DNAH9: variants seen among roughly 807,000 people sequenced by gnomAD.
The protein encoded by DNAH9 is dynein axonemal heavy chain 9.
DNAH9 carries 345 observed loss-of-function variants against 471.6 expected under a neutral mutation model. That is an observed-to-expected ratio of 0.73 (90% CI 0.67 to 0.80). The LOEUF (loss-of-function observed/expected upper bound fraction) is 0.80. Ranked by LOEUF, DNAH9 falls within the 30% of genes least tolerant of loss-of-function variation. The pLI, the probability that DNAH9 is intolerant of heterozygous loss-of-function variation, is 0.00. For missense variants in DNAH9, 5,407 were observed against 5,609.2 expected (o/e 0.96, Z 1.15); for synonymous variants, 2,093 against 2,123.6 (o/e 0.99, Z 0.40).
intron 49 of DNAH9, among the ~76,000 whole-genome samples, chr17:11,846,612 G>A (rs1398327109): frequency 1.4e-5 from 2 of 144,392 alleles, no homozygotes; most frequent in African/African-American, 2.6e-5. Flanking sequence ...CCATTTTCAC[G>A]ATATTGATTC....
At chr17:11,887,192 AC>A (rs1359925569) in intron 57 of DNAH9, among the ~76,000 whole-genome samples, 1 of 152,186 alleles carries the variant, frequency 6.6e-6, no homozygotes, top group East Asian at 1.9e-4. Context: ...AGAACAGGAC[AC>A]CACAGCAAGT....
intron 68 of DNAH9, among the ~76,000 whole-genome samples, chr17:11,967,114 G>GC (rs1567587078): frequency 6.9e-6 from 1 of 144,190 alleles, no homozygotes; most frequent in Non-Finnish European, 1.5e-5. Context: ...TTTGTTTTTT[G>GC]TTTTTTTTAA....
chr17:11,840,910 A>G (rs141364439), intron 49 of DNAH9, among the ~76,000 whole-genome samples: 1 of 152,196 alleles, frequency 6.6e-6, no homozygotes, highest in African/African-American at 2.4e-5. Flanking sequence ...AGGACTTGTG[A>G]CCTCCAGAAT....
rs115012145 is a variant in DNAH9, at chr17:11,709,159, A to G, written c.5552+3974A>G. Among the ~76,000 whole-genome samples, 651 of 152,324 alleles carry G rather than the reference A, an allele frequency of 4.3e-3. 4 individuals carry two copies. The highest frequency in any genetic ancestry group is 0.015 in the African/African-American group (607 of 41,570). Reference sequence around the variant, plus strand: ...AGTGCTGAATACCTTATAGAGGGAAAGGGTAAAGTTTCGACAATGCATTAT... The same window carrying G: ...AGTGCTGAATACCTTATAGAGGGAAGGGGTAAAGTTTCGACAATGCATTAT... On this transcript the variant is annotated intron_variant, in intron 26 of 68. Coordinates refer to ENST00000262442, the MANE Select transcript of DNAH9 (RefSeq NM_001372.4).
At chr17:11,691,103 CT>C (rs1197995251) in intron 20 of DNAH9, among the ~76,000 whole-genome samples, 7 of 152,188 alleles carry the variant, frequency 4.6e-5, no homozygotes, top group African/African-American at 1.4e-4. Flanking sequence ...TACAAATTAG[CT>C]TGATTCCAAA....
At chr17:11,661,808 A>G (rs1431941554) in intron 14 of DNAH9, among the ~76,000 whole-genome samples, 1 of 152,092 alleles carries the variant, frequency 6.6e-6, no homozygotes, top group Non-Finnish European at 1.5e-5. Flanking sequence ...TAATATGCAT[A>G]TTGAGCCCCA....
chr17:11,917,896 T>C (rs1025362784), intron 61 of DNAH9, among the ~76,000 whole-genome samples: 4 of 152,146 alleles, frequency 2.6e-5, no homozygotes, highest in African/African-American at 4.8e-5. Flanking sequence ...TTCTCTGGTC[T>C]TTCTTTCACT....
intron 68 of DNAH9, among the ~76,000 whole-genome samples, chr17:11,964,915 CTT>C (rs1040653231): frequency 2.3e-4 from 35 of 152,052 alleles, no homozygotes; most frequent in Non-Finnish European, 7.4e-5. Context: ...ACTCACAAGT[CTT>C]TATCTCACCT....
Position 11,871,622 on chromosome 17 carries a change from G to A in DNAH9, c.10078G>A (p.Val3360Met), listed in dbSNP as rs550765729. The A allele has an allele frequency of 7.4e-6, 12 of 1,614,054 alleles. No individual in the cohort carries two copies. Among genetic ancestry groups the A allele is most frequent in the African/African-American group, 4.0e-5 (3 of 75,054 alleles). ...GGTTGGAGGACTCGCTTCTGAAAAC[G>A]TGAGGTGGGCAGATGCCGTGCAGAA... ...RLVGGLASEN[V>M]RWADAVQNFK... Residue 3360 changes from valine (V) to methionine (M), a missense_variant, in exon 52 of 69, where the codon GTG (valine) becomes ATG (methionine). Coordinates refer to ENST00000262442, the MANE Select transcript of DNAH9 (RefSeq NM_001372.4).
intron 8 of DNAH9, among the ~76,000 whole-genome samples, chr17:11,633,195 A>G (rs16945107): frequency 0.026 from 3,900 of 152,312 alleles, 110 homozygotes; most frequent in South Asian, 0.099. Context: ...TAGATGATGC[A>G]TAGGTAAATG....
chr17:11,878,780 C>T (rs1027134907), intron 53 of DNAH9, among the ~76,000 whole-genome samples: 1 of 152,086 alleles, frequency 6.6e-6, no homozygotes, highest in African/African-American at 2.4e-5. Context: ...GTCTCAAACT[C>T]CTGGTCTCAA....
At position 11,651,263 on chromosome 17, in the gene DNAH9, G is replaced by A; in HGVS notation, c.2292G>A (p.Glu764=). ...TGGAATTTCCATTAGTGGAGGAAGAGCTGCAAAATATTGATCTCCGCCTCA... is the reference window on the plus strand; with the variant it reads ...TGGAATTTCCATTAGTGGAGGAAGAACTGCAAAATATTGATCTCCGCCTCA... ...LEVEFPLVEE[E]LQNIDLRLRA... is the part of the protein sequence containing the mutation. Residue 764 remains glutamate (E), a synonymous_variant, in exon 13 of 69, where the codon GAG becomes GAA. Transcript: ENST00000262442. 6.2e-7 allele frequency: 1 copy of A among 1,614,046 alleles called. No homozygotes were observed. The highest frequency in any genetic ancestry group is 8.5e-7 in the Non-Finnish European group (1 of 1,179,956).
Position 11,892,437 on chromosome 17 carries a change from AAT to A in DNAH9, c.11283+492_11283+493del, listed in dbSNP as rs1218491212. 6.6e-6 allele frequency among the ~76,000 whole-genome samples: 1 copy of A among 152,198 alleles called. No individual in the cohort carries two copies. Among genetic ancestry groups the A allele is most frequent in the Non-Finnish European group, 1.5e-5 (1 of 68,038 alleles). ...GCAGCCTTGACCTTAGAAAGTTTTC[AAT>A]AACGTTGGTTCTCAAGGGTTTGGGA... is the stretch of plus-strand genomic sequence containing the variant. On this transcript the variant is annotated intron_variant, in intron 58 of 68. Coordinates refer to ENST00000262442, the MANE Select transcript of DNAH9 (RefSeq NM_001372.4). The surrounding 1 kb of genome is among the most constrained non-coding windows in gnomAD (Gnocchi z 4.3).
rs533575897 is a variant in DNAH9, at chr17:11,780,790, G to T, written c.7553-219G>T. ...CTTAGCACAGTGCACGTGGTGAGGT[G>T]TTCAGTCCCCATTACTGCCTAGTAA... On this transcript the variant is annotated intron_variant, in intron 38 of 68. Transcript: ENST00000262442. Among the ~76,000 whole-genome samples the T allele has an allele frequency of 2.0e-5, 3 of 152,338 alleles. No individual in the cohort carries two copies. In the South Asian group the frequency reaches 6.2e-4, roughly 32 times the overall value.
At chr17:11,826,974 G>A (rs951676259) in intron 48 of DNAH9, among the ~76,000 whole-genome samples, 84 of 151,864 alleles carry the variant, frequency 5.5e-4, no homozygotes, top group Middle Eastern at 3.4e-3. Context: ...ACAGGCACCC[G>A]CCACCATGCC....
At position 11,932,497 on chromosome 17, in the gene DNAH9, A is replaced by G. The variant is rs1010970460; in HGVS notation, c.12297+292A>G. Among the ~76,000 whole-genome samples the G allele has an allele frequency of 6.6e-6, 1 of 152,168 alleles. No individual in the cohort carries two copies. The highest frequency in any genetic ancestry group is 2.4e-5 in the African/African-American group (1 of 41,444). On this transcript the variant is annotated intron_variant, in intron 64 of 68. Coordinates refer to ENST00000262442, the MANE Select transcript of DNAH9 (RefSeq NM_001372.4). The surrounding 1 kb of genome is among the most constrained non-coding windows in gnomAD (Gnocchi z 4.3). The stretch of plus-strand genomic sequence containing the variant: ...TTGGCAGGACCTGGGAGCTAGTTAG[A>G]AATGCAGAATCTCAGGTCCCACCCA...
chr17:11,753,084 A>G, intron 33 of DNAH9, 124 bp downstream of exon 33: 1 of 763,484 alleles, frequency 1.3e-6, no homozygotes, highest in Non-Finnish European at 2.0e-6. Flanking sequence ...AGGAACTATC[A>G]TCAGCATCTT....
chr17:11,772,632 C>T lies in DNAH9; in HGVS notation c.7552+3303C>T, dbSNP rs547598466. Among the ~76,000 whole-genome samples, 31 of 152,210 alleles carry T rather than the reference C, an allele frequency of 2.0e-4. No homozygotes were observed. The South Asian group carries it at 3.1e-3, about 15-fold the overall frequency. On this transcript the variant is annotated intron_variant, in intron 38 of 68. Coordinates refer to ENST00000262442, the MANE Select transcript of DNAH9 (RefSeq NM_001372.4). The stretch of plus-strand genomic sequence containing the variant: ...ATCTCAAAATGCTATTAAATAGGGC[C>T]GAGATGAAAACTGGCTCTCACTGTA...
chr17:11,598,973 G>T (rs1319190652), intron 1 of DNAH9, 58 bp downstream of exon 1: 4 of 1,203,424 alleles, frequency 3.3e-6, no homozygotes, highest in Middle Eastern at 2.4e-4. Context: ...GGGAGGAGGA[G>T]CCTTAAGGGA....
Sources: gnomAD v4.1 joint callset for allele counts (sites outside exome capture counted in the v4.1 genomes callset) on GRCh38, gnomAD v4.1.1 for gene constraint, Gnocchi (gnomAD v3.1) non-coding constraint, MANE v1.5 for transcripts, NCBI Gene and HGNC (gene_info 2026-07-23, HGNC 2026-07-21) for gene names.